The following TMEM51 variants were observed in gnomAD, a reference collection of about 807,000 sequenced individuals.
The protein encoded by TMEM51 is chromosome 1 open reading frame 72.
In TMEM51, 8 loss-of-function variants were observed where a neutral mutation model predicts 13.6. The ratio of observed to expected loss-of-function variants is 0.59; its 90% CI spans 0.35 to 1.07. The LOEUF (loss-of-function observed/expected upper bound fraction) is 1.07. Ranked by LOEUF, TMEM51 falls within the 50% of genes least tolerant of loss-of-function variation. TMEM51 has a pLI of 0.02. For synonymous variants in TMEM51, 147 were observed against 144.4 expected, an observed-to-expected ratio of 1.02 and a Z score of -0.13; for missense variants, 279 against 330.7, an observed-to-expected ratio of 0.84 and a Z score of 1.21.
At chr1:15,179,956 G>A (rs376287440) in intron 1 of TMEM51, among the ~76,000 whole-genome samples, 3 of 152,316 alleles carry the variant, frequency 2.0e-5, no homozygotes, top group African/African-American at 7.2e-5. Flanking sequence ...GTTCTCAAAA[G>A]TGCATCTAAG....
In TMEM51 at chr1:15,153,855, G is replaced by A. The variant is rs1424180833; in HGVS notation, c.-366G>A. ...CCCCGAACCCCAGCCCCGCGATCGCGGCGCCCACCGAGGAGGCCGCCCGGG... is the reference window on the plus strand; with the variant it reads ...CCCCGAACCCCAGCCCCGCGATCGCAGCGCCCACCGAGGAGGCCGCCCGGG... On this transcript the variant is annotated 5_prime_UTR_variant, in exon 1 of 4. Coordinates refer to ENST00000376008, the MANE Select transcript of TMEM51 (RefSeq NM_001136218.2). 6.6e-6 allele frequency: 1 copy of A among 151,428 alleles called. No homozygotes were observed. Among genetic ancestry groups the A allele is most frequent in the African/African-American group, 2.4e-5 (1 of 41,204 alleles). 9.4% of individuals were successfully genotyped at this position (151,428 alleles called of 1,614,324 possible).
intron 1 of TMEM51, among the ~76,000 whole-genome samples, chr1:15,194,099 A>G (rs1451410620): frequency 6.6e-6 from 1 of 152,238 alleles, no homozygotes; most frequent in Admixed American, 6.5e-5. Context: ...CAGTGAACAA[A>G]AATGACAAAA....
chr1:15,167,333 A>C (rs1573381682), intron 1 of TMEM51, among the ~76,000 whole-genome samples: 3 of 128,742 alleles, frequency 2.3e-5, no homozygotes, highest in South Asian at 2.1e-4. Flanking sequence ...TCTCAAAAAA[A>C]AAAAAAAAAA....
chr1:15,178,966 C>T (rs189616716), intron 1 of TMEM51, among the ~76,000 whole-genome samples: 3 of 152,312 alleles, frequency 2.0e-5, no homozygotes, highest in African/African-American at 7.2e-5. Flanking sequence ...CAGAACAAAC[C>T]ACCCAGAATC....
intron 1 of TMEM51, among the ~76,000 whole-genome samples, chr1:15,160,627 A>G (rs987581101): frequency 2.0e-5 from 3 of 152,030 alleles, no homozygotes; most frequent in Admixed American, 6.5e-5. Flanking sequence ...AAGTTACCAT[A>G]AGAGGCCTCA....
In TMEM51 at chr1:15,219,451, C is replaced by T; in HGVS notation, c.470C>T (p.Ser157Phe). The change falls in exon 4 of 4, where the codon TCT (serine) becomes TTT (phenylalanine). Residue 157 changes from serine to phenylalanine, a missense_variant. Ser to Phe is a radical substitution (Grantham distance 155, BLOSUM62 -2). Coordinates refer to ENST00000376008, the MANE Select transcript of TMEM51 (RefSeq NM_001136218.2). ...GAGCAGAACCCGAGGTTGAGCATCTCTCTCCCGTCCTATGAGTCACTGACG... is the reference window on the plus strand; with the variant it reads ...GAGCAGAACCCGAGGTTGAGCATCTTTCTCCCGTCCTATGAGTCACTGACG... ...GEEQNPRLSI[S>F]LPSYESLTGL... is the part of the protein sequence containing the mutation. The T allele has an allele frequency of 6.2e-7, 1 of 1,614,156 alleles. No homozygotes were observed. Among genetic ancestry groups the T allele is most frequent in the Non-Finnish European group, 8.5e-7 (1 of 1,180,010 alleles).
chr1:15,179,365 T>C (rs1643543166), intron 1 of TMEM51, among the ~76,000 whole-genome samples: 2 of 151,982 alleles, frequency 1.3e-5, no homozygotes, highest in African/African-American at 4.8e-5. Flanking sequence ...CTAAACAAAC[T>C]GATACAGTCA....
intron 1 of TMEM51, among the ~76,000 whole-genome samples, chr1:15,165,443 A>C (rs939513781): frequency 6.6e-6 from 1 of 152,236 alleles, no homozygotes; most frequent in Non-Finnish European, 1.5e-5. Flanking sequence ...ATGTTTTAAA[A>C]GTTTTAAAAT....
intron 1 of TMEM51, among the ~76,000 whole-genome samples, chr1:15,189,542 G>T (rs1195194573): frequency 6.6e-6 from 1 of 152,256 alleles, no homozygotes; most frequent in Admixed American, 6.5e-5. Flanking sequence ...AGATGATGCT[G>T]GCATAGCTCC....
chr1:15,164,255 A>T (rs1472976485), intron 1 of TMEM51: 2 of 431,274 alleles, frequency 4.6e-6, no homozygotes, highest in Non-Finnish European at 9.5e-6. Flanking sequence ...ATTCACCAGG[A>T]TCCAATTCAA....
chr1:15,211,990 T>G (rs1286480218), intron 2 of TMEM51, among the ~76,000 whole-genome samples: 1 of 152,188 alleles, frequency 6.6e-6, no homozygotes, highest in Non-Finnish European at 1.5e-5. Flanking sequence ...TGTTTCAATC[T>G]TGTTGTTTGA....
Position 15,220,052 on chromosome 1 carries a change from T to G in TMEM51, c.*309T>G. On this transcript the variant is annotated 3_prime_UTR_variant, in exon 4 of 4. Transcript: ENST00000376008. ...CGAATCGCTGGCGACACATTCTCCT[T>G]TCCAGCTAGGAAAGGGTTCCTCGCG... 1 of 352,174 alleles carries G rather than the reference T, an allele frequency of 2.8e-6. No homozygotes were observed. Among genetic ancestry groups the G allele is most frequent in the Non-Finnish European group, 5.2e-6 (1 of 192,986 alleles). 21.8% of individuals were successfully genotyped at this position (352,174 alleles called of 1,614,324 possible). A position where few individuals can be genotyped will look rare whatever the true frequency, so the allele number is the denominator to read the frequency against.
intron 1 of TMEM51, chr1:15,164,462 C>T: frequency 2.2e-6 from 1 of 456,022 alleles, no homozygotes. Flanking sequence ...GGAAAGAATC[C>T]TACAAAGGTG....
At chr1:15,198,145 A>C (rs961370645) in intron 1 of TMEM51, among the ~76,000 whole-genome samples, 7 of 151,982 alleles carry the variant, frequency 4.6e-5, no homozygotes, top group African/African-American at 1.7e-4. Context: ...AGCTCCAACC[A>C]TCACATCTGC....
chr1:15,217,555 C>T (rs140590360), intron 3 of TMEM51, among the ~76,000 whole-genome samples: 83 of 152,178 alleles, frequency 5.5e-4, no homozygotes, highest in Admixed American at 1.6e-3. Flanking sequence ...CCACAATTTG[C>T]CATCTGTAAG....
chr1:15,167,326 C>CAAA (rs555274126), intron 1 of TMEM51, among the ~76,000 whole-genome samples: 30 of 69,442 alleles, frequency 4.3e-4, no homozygotes, highest in East Asian at 9.2e-4. Context: ...GACTCCATCT[C>CAAA]AAAAAAAAAA....
At chr1:15,210,659 A>T (rs1644324606) in intron 2 of TMEM51, 97 bp downstream of exon 2, 1 of 152,198 alleles carries the variant, frequency 6.6e-6, no homozygotes, top group Non-Finnish European at 1.5e-5. Context: ...ATGAGCAGTG[A>T]TGGGGCCAAC....
chr1:15,153,156 G>A (rs1191442516), upstream of TMEM51, among the ~76,000 whole-genome samples: 2 of 152,310 alleles, frequency 1.3e-5, no homozygotes, highest in East Asian at 1.9e-4. Context: ...TTCCCTACTT[G>A]TGCCGGTCAC....
intron 1 of TMEM51, chr1:15,171,231 T>A (rs6429722): frequency 7.7e-7 from 1 of 1,303,914 alleles, no homozygotes; most frequent in Non-Finnish European, 1.0e-6. Context: ...GCCTGGAAGA[T>A]CGCTGTTTGA....
Sources: gnomAD v4.1 joint callset for allele counts (sites outside exome capture counted in the v4.1 genomes callset) on GRCh38, gnomAD v4.1.1 for gene constraint, MANE v1.5 for transcripts, NCBI Gene and HGNC (gene_info 2026-07-23, HGNC 2026-07-21) for gene names.